CD96: variants seen among roughly 807,000 people sequenced by gnomAD.
CD96 encodes the protein T-cell surface protein tactile.
A neutral mutation model predicts 71.3 loss-of-function variants in CD96; 70 were observed. That is an observed-to-expected ratio of 0.98 (90% confidence interval 0.81 to 1.20). The LOEUF is 1.20. Ranked by LOEUF, CD96 falls within the 50% of genes most tolerant of loss-of-function variation. The probability of loss-of-function intolerance (pLI) is 0.00; values close to 1 mark genes in which losing one functional copy is unlikely to be tolerated. For synonymous variants in CD96, 248 were observed against 233.0 expected, an observed-to-expected ratio of 1.06 and a Z score of -0.59; for missense variants, 742 against 677.5, an observed-to-expected ratio of 1.10 and a Z score of -1.06.
chr3:111,624,230 G>T (rs1304186965), intron 9 of CD96, 103 bp from the exon 10 acceptor site: 6 of 821,534 alleles, frequency 7.3e-6, no homozygotes, highest in Non-Finnish European at 1.3e-5. Flanking sequence ...TTCAATTTCA[G>T]ATTTCCCCAA....
chr3:111,590,390 G>A (rs1251992654), intron 5 of CD96, among the ~76,000 whole-genome samples: 1 of 152,188 alleles, frequency 6.6e-6, no homozygotes, highest in Non-Finnish European at 1.5e-5. Context: ...TGCACACACT[G>A]TCTCTGCTAC....
intron 1 of CD96, among the ~76,000 whole-genome samples, chr3:111,542,691 C>A (rs1014441461): frequency 6.6e-6 from 1 of 152,172 alleles, no homozygotes; most frequent in Non-Finnish European, 1.5e-5. Context: ...GCTCAGAGAT[C>A]CTTGTTTAAC....
At chr3:111,600,226 C>T (rs879871781) in intron 6 of CD96, among the ~76,000 whole-genome samples, 3 of 152,190 alleles carry the variant, frequency 2.0e-5, no homozygotes, top group South Asian at 2.1e-4. Flanking sequence ...CACACTTCCT[C>T]GCTCAGATCA....
At chr3:111,556,137 T>TA (rs1935013726) in intron 2 of CD96, among the ~76,000 whole-genome samples, 1 of 152,302 alleles carries the variant, frequency 6.6e-6, no homozygotes, top group South Asian at 2.1e-4. Flanking sequence ...ATTTCTCTAC[T>TA]AACATTTCCT....
At chr3:111,601,091 G>T (rs1404136138) in intron 7 of CD96, among the ~76,000 whole-genome samples, 177 bp downstream of exon 7, 2 of 152,252 alleles carry the variant, frequency 1.3e-5, no homozygotes, top group East Asian at 1.9e-4. Context: ...CCAGTGAAAA[G>T]AATTCTTCAA....
At chr3:111,626,306 CAA>C (rs71131971) in intron 10 of CD96, among the ~76,000 whole-genome samples, 13 of 74,708 alleles carry the variant, frequency 1.7e-4, no homozygotes, top group African/African-American at 6.8e-4. Flanking sequence ...GACTCCGTCT[CAA>C]AAAAAAAAAA....
At chr3:111,641,894 T>A (rs1939608668) in intron 12 of CD96, among the ~76,000 whole-genome samples, 1 of 152,236 alleles carries the variant, frequency 6.6e-6, no homozygotes, top group African/African-American at 2.4e-5. Flanking sequence ...TGCTCCTGAA[T>A]GAGCATTGGG....
At chr3:111,578,924 C>G (rs958706341) in intron 3 of CD96, 103 bp from the exon 4 acceptor site, 3 of 749,072 alleles carry the variant, frequency 4.0e-6, no homozygotes, top group Non-Finnish European at 7.4e-6. Flanking sequence ...TTCATTCTTC[C>G]TCTCTACTTT....
intron 12 of CD96, among the ~76,000 whole-genome samples, chr3:111,645,113 A>AATGCCC (rs1249569333): frequency 1.3e-5 from 2 of 152,202 alleles, no homozygotes; most frequent in Non-Finnish European, 2.9e-5. Flanking sequence ...AACCAACCCA[A>AATGCCC]ATGCCCATCA....
At position 111,597,650 on chromosome 3, in the gene CD96, C is replaced by T. The variant is rs141408923; in HGVS notation, c.808-470C>T. Reference sequence around the variant, plus strand: ...TAAAAAGTAGGATATTTATATAAATCGTTTTCTGTGATTGTTACAAATAGT... The same window carrying T: ...TAAAAAGTAGGATATTTATATAAATTGTTTTCTGTGATTGTTACAAATAGT... On this transcript the variant is annotated intron_variant, in intron 5 of 13. Coordinates refer to ENST00000352690, the MANE Select transcript of CD96 (RefSeq NM_005816.5). Among the ~76,000 whole-genome samples, 323 of 152,282 alleles carry T rather than the reference C, an allele frequency of 2.1e-3. 2 individuals carry two copies. The highest frequency in any genetic ancestry group is 7.5e-3 in the African/African-American group (311 of 41,562).
intron 1 of CD96, among the ~76,000 whole-genome samples, chr3:111,543,439 T>C (rs2107450977): frequency 6.6e-6 from 1 of 152,308 alleles, no homozygotes; most frequent in African/African-American, 2.4e-5. Flanking sequence ...TGATACTAAG[T>C]GGAACCTCTA....
intron 3 of CD96, among the ~76,000 whole-genome samples, chr3:111,576,067 A>G (rs1576338815): frequency 6.6e-6 from 1 of 152,230 alleles, no homozygotes; most frequent in East Asian, 1.9e-4. Flanking sequence ...GTATTATTGA[A>G]CATCTATTAA....
chr3:111,583,796 G>A (rs1410732218), intron 4 of CD96, among the ~76,000 whole-genome samples: 2 of 152,190 alleles, frequency 1.3e-5, no homozygotes, highest in East Asian at 1.9e-4. Context: ...GGGGACCCTG[G>A]GCCCAGCCCA....
rs763244553 is a variant in CD96, at chr3:111,593,784, C to A, written c.808-4336C>A. ...GTGCCCACCTGCTCCAGGAGCCTAC[C>A]CCAGTTACCCTCAATGCCTGTGGGG... On this transcript the variant is annotated intron_variant, in intron 5 of 13. Transcript: ENST00000352690. 5 of 1,614,124 alleles carry A rather than the reference C, an allele frequency of 3.1e-6. No individual in the cohort carries two copies. In the African/African-American group the frequency reaches 5.3e-5, roughly 17 times the overall value.
intron 3 of CD96, chr3:111,570,765 T>TA: frequency 6.2e-7 from 1 of 1,613,558 alleles, no homozygotes; most frequent in Non-Finnish European, 8.5e-7. Context: ...CCCCTCCTCA[T>TA]CCTCTAGATC....
chr3:111,643,635 G>A lies in CD96; in HGVS notation c.1478-3908G>A, dbSNP rs149083641. Among the ~76,000 whole-genome samples the A allele has an allele frequency of 1.1e-4, 16 of 148,918 alleles. 1 individual carries two copies. The highest frequency in any genetic ancestry group is 5.5e-4 in the Admixed American group (8 of 14,672). On this transcript the variant is annotated intron_variant, in intron 12 of 13. Transcript: ENST00000352690. ...GATAAAAGAATTCAGCAAAGTTTCCGAATACAAGATTAATGTACACAAATC... is the reference window on the plus strand; with the variant it reads ...GATAAAAGAATTCAGCAAAGTTTCCAAATACAAGATTAATGTACACAAATC...
rs78060381 is a variant in CD96, at chr3:111,581,741, T to G, written c.751+2507T>G. Among the ~76,000 whole-genome samples the G allele has an allele frequency of 1.5e-3, 235 of 152,352 alleles. 6 individuals are homozygous for G. The East Asian group carries it at 0.038, about 25-fold the overall frequency. On this transcript the variant is annotated intron_variant, in intron 4 of 13. Transcript: ENST00000352690. ...CAATTTTTAGTAGTTGTTCTTTCTTTCAGGGCTTTTATTCTGCTGGTATTT... is the reference window on the plus strand; with the variant it reads ...CAATTTTTAGTAGTTGTTCTTTCTTGCAGGGCTTTTATTCTGCTGGTATTT...
chr3:111,648,793 G>A (rs1462285287), intron 13 of CD96, among the ~76,000 whole-genome samples: 2 of 152,150 alleles, frequency 1.3e-5, no homozygotes, highest in Non-Finnish European at 2.9e-5. Flanking sequence ...TGGATTGCCA[G>A]GGCATAGAGG....
intron 4 of CD96, among the ~76,000 whole-genome samples, chr3:111,583,652 C>T (rs1228431173): frequency 6.6e-6 from 1 of 152,260 alleles, no homozygotes; most frequent in African/African-American, 2.4e-5. Context: ...AGGCTCAACA[C>T]CATGTGGAAG....
Sources: gnomAD v4.1 joint callset for allele counts (sites outside exome capture counted in the v4.1 genomes callset) on GRCh38, gnomAD v4.1.1 for gene constraint, MANE v1.5 for transcripts, NCBI Gene and HGNC (gene_info 2026-07-23, HGNC 2026-07-21) for gene names.